Variants in LRRC4C observed in about 807,000 individuals in gnomAD.
The protein encoded by LRRC4C is leucine rich repeat containing 4C.
LRRC4C carries 5 observed loss-of-function variants against 33.6 expected under a neutral mutation model. The observed-to-expected ratio is 0.15, with a 90% CI of 0.08 to 0.31. The LOEUF (loss-of-function observed/expected upper bound fraction) is 0.31, where lower values mean the gene tolerates loss of function less well. LRRC4C is among the 10% of genes least tolerant of loss of function. LRRC4C has a pLI of 1.00. For synonymous variants in LRRC4C, 329 were observed against 302.0 expected (o/e 1.09, Z -0.93); for missense variants, 560 against 796.7 (o/e 0.70, Z 3.58).
intron 3 of LRRC4C, among the ~76,000 whole-genome samples, chr11:40,505,236 T>C (rs547224844): frequency 6.6e-6 from 1 of 152,280 alleles, no homozygotes; most frequent in African/African-American, 2.4e-5. Flanking sequence ...TGGGTGGGTA[T>C]GGCTTATGCT....
chr11:40,634,774 T>C (rs1963807225), intron 3 of LRRC4C, among the ~76,000 whole-genome samples: 2 of 151,960 alleles, frequency 1.3e-5, no homozygotes, highest in Admixed American at 1.3e-4. Flanking sequence ...CTCAGCTACT[T>C]TGGAAGCTAA....
intron 5 of LRRC4C, among the ~76,000 whole-genome samples, chr11:40,143,503 C>A (rs1857515268): frequency 6.6e-6 from 1 of 152,152 alleles, no homozygotes; most frequent in Admixed American, 6.5e-5. Context: ...AAACATAGTG[C>A]TTTCTCAGGG....
At chr11:40,141,475 C>T (rs946047802) in intron 5 of LRRC4C, among the ~76,000 whole-genome samples, 5 of 152,160 alleles carry the variant, frequency 3.3e-5, no homozygotes, top group African/African-American at 1.2e-4. Flanking sequence ...AGAGAGCTCA[C>T]ATTTTACAAA....
At chr11:40,218,966 G>C (rs1039653807) in intron 5 of LRRC4C, among the ~76,000 whole-genome samples, 64 of 152,098 alleles carry the variant, frequency 4.2e-4, no homozygotes, top group African/African-American at 1.5e-3. Flanking sequence ...TATCTGCAAG[G>C]CTAGCTCTTT....
intron 1 of LRRC4C, among the ~76,000 whole-genome samples, chr11:41,411,066 A>C (rs545915598): frequency 6.6e-6 from 1 of 151,044 alleles, no homozygotes; most frequent in East Asian, 2.0e-4. Flanking sequence ...AAGACCAGAG[A>C]TCTTTATCTA....
intron 4 of LRRC4C, among the ~76,000 whole-genome samples, chr11:40,314,650 G>T (rs1358759287): frequency 1.3e-5 from 2 of 152,074 alleles, no homozygotes; most frequent in Non-Finnish European, 2.9e-5. Context: ...TTCAACTCAG[G>T]TGTCCAAAAA....
intron 3 of LRRC4C, among the ~76,000 whole-genome samples, chr11:40,325,931 G>T (rs1215814883): frequency 6.6e-6 from 1 of 151,988 alleles, no homozygotes; most frequent in Non-Finnish European, 1.5e-5. Context: ...CCAGAGGCAT[G>T]TATCTTTAAG....
At chr11:40,262,989 A>T (rs972678478) in intron 4 of LRRC4C, among the ~76,000 whole-genome samples, 5 of 152,242 alleles carry the variant, frequency 3.3e-5, no homozygotes, top group Middle Eastern at 3.4e-3. Context: ...ACTGAAAAAA[A>T]AAAAAAGAAT....
chr11:40,487,534 T>A (rs1259518606), intron 3 of LRRC4C, among the ~76,000 whole-genome samples: 1 of 152,016 alleles, frequency 6.6e-6, no homozygotes, highest in African/African-American at 2.4e-5. Context: ...GAATCATAGG[T>A]ATTGTGAAGA....
intron 1 of LRRC4C, among the ~76,000 whole-genome samples, chr11:41,201,186 T>C (rs1440789719): frequency 2.6e-5 from 4 of 152,194 alleles, no homozygotes; most frequent in South Asian, 2.1e-4. Context: ...AAAGTTTAAA[T>C]GGTTGTAAAT....
chr11:40,454,354 G>C (rs559148426), intron 3 of LRRC4C, among the ~76,000 whole-genome samples: 2 of 151,990 alleles, frequency 1.3e-5, no homozygotes, highest in South Asian at 4.2e-4. Flanking sequence ...GAGAGCTATA[G>C]AATATGTTGA....
At chr11:41,333,071 A>G (rs891631638) in intron 1 of LRRC4C, among the ~76,000 whole-genome samples, 1 of 152,246 alleles carries the variant, frequency 6.6e-6, no homozygotes, top group Admixed American at 6.5e-5. Flanking sequence ...TGAAGGGGAA[A>G]CACTTGAAAG....
intron 3 of LRRC4C, among the ~76,000 whole-genome samples, chr11:40,468,116 C>G (rs1952744563): frequency 6.6e-6 from 1 of 152,064 alleles, no homozygotes; most frequent in Non-Finnish European, 1.5e-5. Context: ...GGCTTCTTTT[C>G]TGCTAAATTC....
At chr11:41,290,952 A>G (rs1949976487) in intron 1 of LRRC4C, among the ~76,000 whole-genome samples, 1 of 152,164 alleles carries the variant, frequency 6.6e-6, no homozygotes, top group East Asian at 1.9e-4. Flanking sequence ...AAAATTCCAG[A>G]ACATCAACTT....
intron 3 of LRRC4C, among the ~76,000 whole-genome samples, chr11:40,603,623 G>A (rs1565550006): frequency 6.6e-6 from 1 of 152,166 alleles, no homozygotes; most frequent in African/African-American, 2.4e-5. Flanking sequence ...CCGGAATATG[G>A]TGAAAAATTT....
chr11:40,962,741 A>G (rs1373823298), intron 1 of LRRC4C, among the ~76,000 whole-genome samples: 1 of 151,726 alleles, frequency 6.6e-6, no homozygotes, highest in Non-Finnish European at 1.5e-5. Flanking sequence ...GCTCTCATCT[A>G]TCCCAAAAAA....
intron 1 of LRRC4C, among the ~76,000 whole-genome samples, chr11:41,202,333 G>A (rs1946431464): frequency 6.6e-6 from 1 of 152,150 alleles, no homozygotes; most frequent in Non-Finnish European, 1.5e-5. Context: ...TACCCACATA[G>A]AATCAATAGC....
chr11:40,247,942 G>C (rs1042275331), intron 4 of LRRC4C, among the ~76,000 whole-genome samples: 5 of 152,146 alleles, frequency 3.3e-5, no homozygotes, highest in Admixed American at 3.3e-4. Context: ...TCTTCTCTAA[G>C]GAGGTTTTAT....
At chr11:40,464,953 G>GA (rs146609660) in intron 3 of LRRC4C, among the ~76,000 whole-genome samples, 6,190 of 151,766 alleles carry the variant, frequency 0.041, 407 homozygotes, top group African/African-American at 0.14. Context: ...CACAGAATTA[G>GA]AAAAAAACAG....
Sources: gnomAD v4.1 joint callset for allele counts (sites outside exome capture counted in the v4.1 genomes callset) on GRCh38, gnomAD v4.1.1 for gene constraint, MANE v1.5 for transcripts, NCBI Gene and HGNC (gene_info 2026-07-23, HGNC 2026-07-21) for gene names.